Variants in GMNN observed in about 807,000 individuals in gnomAD.
GMNN encodes geminin.
Under a neutral mutation model 20.9 loss-of-function variants are expected in GMNN, and 14 were observed. The ratio of observed to expected loss-of-function variants is 0.67; its 90% CI spans 0.44 to 1.05. The LOEUF (loss-of-function observed/expected upper bound fraction) is 1.05. GMNN is among the 50% of genes least tolerant of loss of function. The pLI is 0.00. For synonymous variants in GMNN, 81 were observed against 85.8 expected (o/e 0.94, Z 0.31); for missense variants, 227 against 243.8 (o/e 0.93, Z 0.46).
At chr6:24,776,600 G>T (rs1388781673) in intron 1 of GMNN, among the ~76,000 whole-genome samples, 1 of 152,224 alleles carries the variant, frequency 6.6e-6, no homozygotes, top group African/African-American at 2.4e-5. Context: ...AGGGGCCAAT[G>T]GGTAGTGGGC....
intron 1 of GMNN, among the ~76,000 whole-genome samples, chr6:24,776,102 C>CTT (rs11304140): frequency 4.8e-5 from 7 of 144,976 alleles, no homozygotes; most frequent in Non-Finnish European, 7.6e-5. Context: ...GTTTTCTAAG[C>CTT]TTTTTTTTTT....
intron 3 of GMNN, 29 bp from the exon 4 acceptor site, chr6:24,781,448 A>C: frequency 6.7e-7 from 1 of 1,484,136 alleles, no homozygotes; most frequent in Non-Finnish European, 9.2e-7. Context: ...AATCAAAGTA[A>C]ATACAGTTGA....
At chr6:24,780,282 G>A (rs1045370049) in intron 2 of GMNN, among the ~76,000 whole-genome samples, 3 of 152,154 alleles carry the variant, frequency 2.0e-5, no homozygotes, top group Admixed American at 6.5e-5. Flanking sequence ...GTTTGAAACT[G>A]TTCATTGGAG....
chr6:24,785,115 A>G (rs1780316396), intron 6 of GMNN, among the ~76,000 whole-genome samples: 1 of 152,166 alleles, frequency 6.6e-6, no homozygotes, highest in Admixed American at 6.5e-5. Context: ...GTGTTGCTTT[A>G]TCAGACTTGA....
chr6:24,779,237 G>T (rs1281779683), intron 2 of GMNN, among the ~76,000 whole-genome samples: 3 of 152,128 alleles, frequency 2.0e-5, no homozygotes, highest in Non-Finnish European at 4.4e-5. Context: ...AAACTTTCTG[G>T]CTTTAAGAGT....
chr6:24,780,234 A>T (rs1342326056), intron 2 of GMNN, among the ~76,000 whole-genome samples: 1 of 152,232 alleles, frequency 6.6e-6, no homozygotes, highest in Middle Eastern at 3.2e-3. Context: ...CAGAGAGAAT[A>T]CAGATAGCCT....
chr6:24,784,489 A>T lies in GMNN; in HGVS notation c.403A>T (p.Lys135Ter), dbSNP rs1366438307. The part of the protein sequence containing the change: ...EQKDNEIARL[K>*]KENKELAEVA... ...AAAGGACAATGAAATTGCCCGCCTGAAAAAGGAGAATAAAGAACTGGCAGA... is the reference window on the plus strand; with the variant it reads ...AAAGGACAATGAAATTGCCCGCCTGTAAAAGGAGAATAAAGAACTGGCAGA... The change falls in exon 6 of 7, where the codon AAA becomes TAA. Residue 135 changes from lysine (K) to a stop codon, truncating the protein, a stop_gained. Coordinates refer to ENST00000230056, the MANE Select transcript of GMNN (RefSeq NM_015895.5). LOFTEE classifies it high-confidence loss of function. The T allele has an allele frequency of 6.3e-7, 1 of 1,586,320 alleles. No homozygotes were observed. The highest frequency in any genetic ancestry group is 8.7e-7 in the Non-Finnish European group (1 of 1,154,806).
intron 3 of GMNN, 96 bp from the exon 4 acceptor site, chr6:24,781,381 T>TA (rs1780212912): frequency 2.9e-6 from 2 of 700,898 alleles, no homozygotes; most frequent in South Asian, 4.1e-5. Flanking sequence ...AAAAGTTAGA[T>TA]ATGCGTACTC....
chr6:24,785,223 A>C (rs1209010724), intron 6 of GMNN, among the ~76,000 whole-genome samples: 1 of 152,174 alleles, frequency 6.6e-6, no homozygotes, highest in Non-Finnish European at 1.5e-5. Context: ...ATGTAACTGA[A>C]TTGTGACCTT....
intron 4 of GMNN, among the ~76,000 whole-genome samples, chr6:24,782,697 T>C (rs1186155245): frequency 6.6e-6 from 1 of 152,204 alleles, no homozygotes; most frequent in Non-Finnish European, 1.5e-5. Context: ...AATAAACTGC[T>C]AAAGTTAAAT....
In GMNN at chr6:24,786,058, T is replaced by C. The variant is rs1780347381; in HGVS notation, c.*259T>C. 3.0e-5 allele frequency: 10 copies of C among 335,594 alleles called. No individual in the cohort carries two copies. The East Asian group carries it at 6.4e-4, about 21-fold the overall frequency. 20.8% of individuals were successfully genotyped at this position (335,594 alleles called of 1,614,324 possible). ...CTTCAAACTCCTGTTGAACATTGTG[T>C]ATAACTTAGAATAATGAAATATAAG... On this transcript the variant is annotated 3_prime_UTR_variant, in exon 7 of 7. Transcript: ENST00000230056.
At chr6:24,782,747 CACAGGTGG>C (rs779854323) in intron 4 of GMNN, among the ~76,000 whole-genome samples, 1 of 151,850 alleles carries the variant, frequency 6.6e-6, no homozygotes, top group African/African-American at 2.4e-5. Flanking sequence ...GTAATATAAC[CACAGGTGG>C]AACACATTAT....
intron 4 of GMNN, among the ~76,000 whole-genome samples, chr6:24,783,364 A>T (rs1780266874): frequency 6.6e-6 from 1 of 152,212 alleles, no homozygotes; most frequent in Admixed American, 6.5e-5. Context: ...TACTTGTAGA[A>T]GGAATTACAT....
At chr6:24,776,102 CT>C (rs11304140) in intron 1 of GMNN, among the ~76,000 whole-genome samples, 14,793 of 144,712 alleles carry the variant, frequency 0.1, 1,249 homozygotes, top group African/African-American at 0.23. Context: ...GTTTTCTAAG[CT>C]TTTTTTTTTT....
chr6:24,777,093 G>T, intron 1 of GMNN, 129 bp from the exon 2 acceptor site: 2 of 412,998 alleles, frequency 4.8e-6, no homozygotes, highest in South Asian at 1.9e-4. Flanking sequence ...CATTGACAGG[G>T]CTGAGTTTGG....
In GMNN at chr6:24,785,744, G is replaced by A. The variant is rs906420047; in HGVS notation, c.575G>A (p.Gly192Asp). ...EDSLVEDSEI[G>D]TCAEGTVSSS... is the part of the protein sequence containing the mutation. ...TCTCTAGTGGAAGACTCAGAAATTGGCACGTGTGCTGAAGGAACTGTATCT... is the reference window on the plus strand; with the variant it reads ...TCTCTAGTGGAAGACTCAGAAATTGACACGTGTGCTGAAGGAACTGTATCT... The change falls in exon 7 of 7, where the codon GGC becomes GAC. Residue 192 changes from glycine (G) to aspartate (D), a missense_variant. Gly to Asp is a moderately conservative substitution (Grantham distance 94). Coordinates refer to ENST00000230056, the MANE Select transcript of GMNN (RefSeq NM_015895.5). The A allele has an allele frequency of 5.7e-6, 9 of 1,589,374 alleles. No individual in the cohort carries two copies. The highest frequency in any genetic ancestry group is 1.7e-5 in the Admixed American group (1 of 57,414).
chr6:24,780,922 C>T (rs899988087), intron 3 of GMNN, among the ~76,000 whole-genome samples, 182 bp downstream of exon 3: 8 of 152,154 alleles, frequency 5.3e-5, no homozygotes, highest in East Asian at 1.9e-4. Context: ...AGAAGTTCGT[C>T]GGGTGCAGTG....
intron 1 of GMNN, chr6:24,776,874 T>C: frequency 6.3e-6 from 1 of 159,572 alleles, no homozygotes; most frequent in Non-Finnish European, 1.4e-5. Flanking sequence ...AAGATGCTGC[T>C]CTTTAGGATG....
chr6:24,780,513 T>C, intron 2 of GMNN, 150 bp from the exon 3 acceptor site: 5 of 546,184 alleles, frequency 9.2e-6, no homozygotes, highest in East Asian at 5.8e-5. Flanking sequence ...TACGCAATTA[T>C]ATAGCAGACC....
Sources: allele counts gnomAD v4.1 joint callset (sites outside exome capture counted in the v4.1 genomes callset), GRCh38; gene constraint gnomAD v4.1.1; transcripts MANE v1.5; gene names NCBI Gene and HGNC (gene_info 2026-07-23, HGNC 2026-07-21).